Variants in SYNE2 observed in about 807,000 individuals in gnomAD.
SYNE2 encodes nesprin-2.
Under a neutral mutation model 856.3 loss-of-function variants are expected in SYNE2, and 431 were observed. That is an observed-to-expected ratio of 0.50 (90% CI 0.47 to 0.55). SYNE2 has a LOEUF of 0.55. Among genes scored for constraint, SYNE2 ranks in the 20% least tolerant of loss-of-function variants. The pLI is 0.00. For missense variants in SYNE2, 8,129 were observed against 8,023.2 expected, an observed-to-expected ratio of 1.01 and a Z score of -0.50; for synonymous variants, 2,923 against 2,872.3, an observed-to-expected ratio of 1.02 and a Z score of -0.56.
intron 80 of SYNE2, among the ~76,000 whole-genome samples, chr14:64,141,049 TTTGTG>T (rs1304696511): frequency 6.6e-6 from 1 of 152,210 alleles, no homozygotes; most frequent in African/African-American, 2.4e-5. Flanking sequence ...TAATGTGCAC[TTTGTG>T]TTGGGTTCCA....
At chr14:63,858,256 A>G (rs1363768219) in intron 1 of SYNE2, among the ~76,000 whole-genome samples, 1 of 107,416 alleles carries the variant, frequency 9.3e-6, no homozygotes, top group African/African-American at 3.8e-5. Flanking sequence ...GCGTCTCCAC[A>G]CCGGCCTTTT....
At chr14:63,806,115 T>A (rs1714467436) in intron 1 of SYNE2, among the ~76,000 whole-genome samples, 1 of 152,190 alleles carries the variant, frequency 6.6e-6, no homozygotes. Flanking sequence ...TGGCTGTGGG[T>A]TTGTCATAGA....
chr14:64,035,860 A>G (rs984297738), intron 45 of SYNE2, among the ~76,000 whole-genome samples: 2 of 149,238 alleles, frequency 1.3e-5, no homozygotes, highest in Non-Finnish European at 3.0e-5. Flanking sequence ...TGCCCAGCTA[A>G]TTTTTGTATT....
At chr14:64,142,418 C>G (rs901612133) in intron 82 of SYNE2, among the ~76,000 whole-genome samples, 1 of 152,132 alleles carries the variant, frequency 6.6e-6, no homozygotes, top group African/African-American at 2.4e-5. Flanking sequence ...TCTTGGTGCT[C>G]TCCCTTATCA....
chr14:64,059,555 G>A (rs2153584309), intron 49 of SYNE2, among the ~76,000 whole-genome samples: 1 of 152,338 alleles, frequency 6.6e-6, no homozygotes, highest in East Asian at 1.9e-4. Context: ...GCCTAGAGCT[G>A]GGGTAGGGGT....
chr14:63,967,496 A>G (rs2096410303), intron 10 of SYNE2, among the ~76,000 whole-genome samples: 1 of 152,182 alleles, frequency 6.6e-6, no homozygotes, highest in African/African-American at 2.4e-5. Context: ...TACACAAAGC[A>G]CAGAGTGAGA....
intron 1 of SYNE2, among the ~76,000 whole-genome samples, chr14:63,780,354 C>T (rs565665086): frequency 7.0e-4 from 107 of 151,984 alleles, no homozygotes; most frequent in Admixed American, 1.8e-3. Context: ...GCAAACATGG[C>T]GAAACCTCAT....
intron 57 of SYNE2, among the ~76,000 whole-genome samples, chr14:64,083,616 C>T (rs1003859908): frequency 6.6e-6 from 1 of 152,190 alleles, no homozygotes; most frequent in African/African-American, 2.4e-5. Context: ...GTCCTAATCT[C>T]CTCCTGGGAA....
At chr14:63,924,092 C>T (rs111230404) in intron 2 of SYNE2, among the ~76,000 whole-genome samples, 7,779 of 152,176 alleles carry the variant, frequency 0.051, 661 homozygotes, top group African/African-American at 0.18. Context: ...AGGCATCAGC[C>T]ACTGTGCCTG....
At chr14:64,162,326 T>C (rs1312325832) in intron 88 of SYNE2, 50 bp downstream of exon 88, 1 of 1,581,220 alleles carries the variant, frequency 6.3e-7, no homozygotes, top group African/African-American at 1.3e-5. Context: ...GCCCAACAGA[T>C]GGGGTAAGGG....
At chr14:63,774,789 A>G (rs1887050984) in intron 1 of SYNE2, among the ~76,000 whole-genome samples, 1 of 152,090 alleles carries the variant, frequency 6.6e-6, no homozygotes, top group Admixed American at 6.6e-5. Context: ...TGCTATAACA[A>G]AATGCCATAA....
intron 51 of SYNE2, among the ~76,000 whole-genome samples, chr14:64,066,716 C>T (rs2097361277): frequency 6.6e-6 from 1 of 152,138 alleles, no homozygotes; most frequent in African/African-American, 2.4e-5. Flanking sequence ...GCTTGCCTGT[C>T]CATAGTGGTA....
chr14:63,926,885 A>C (rs180872656), intron 2 of SYNE2, among the ~76,000 whole-genome samples: 88 of 152,338 alleles, frequency 5.8e-4, no homozygotes, highest in Middle Eastern at 3.4e-3. Flanking sequence ...AGATTGACTT[A>C]GGTTTTCTTC....
chr14:63,910,187 A>G (rs1369256929), intron 2 of SYNE2, among the ~76,000 whole-genome samples: 1 of 152,202 alleles, frequency 6.6e-6, no homozygotes, highest in East Asian at 1.9e-4. Context: ...GCATTTTTAG[A>G]ATGTTACTCA....
At position 63,910,845 on chromosome 14, in the gene SYNE2, G is replaced by T. The variant is rs79833866; in HGVS notation, c.79+1618G>T. Among the ~76,000 whole-genome samples the T allele has an allele frequency of 1.0e-3, 153 of 152,260 alleles. 1 individual carries two copies. In the East Asian group the frequency reaches 0.015, roughly 15 times the overall value. ...ATGTACATCACACTTTCTTTTTCTA[G>T]GTTTATGGCCAAAATCTTACTCTCA... On this transcript the variant is annotated intron_variant, in intron 2 of 115. Transcript: ENST00000555002.
intron 1 of SYNE2, among the ~76,000 whole-genome samples, chr14:63,771,093 G>T (rs1159870125): frequency 7.6e-6 from 1 of 132,146 alleles, no homozygotes. Flanking sequence ...TTTTTGAGAC[G>T]GAGTCTCGCT....
At chr14:64,059,209 T>A (rs1206392689) in intron 49 of SYNE2, among the ~76,000 whole-genome samples, 2 of 152,166 alleles carry the variant, frequency 1.3e-5, no homozygotes, top group Non-Finnish European at 2.9e-5. Context: ...TCATGGATGG[T>A]CTTGATGCTT....
chr14:64,189,851 T>C (rs1261057332), intron 98 of SYNE2, among the ~76,000 whole-genome samples: 1 of 152,008 alleles, frequency 6.6e-6, no homozygotes, highest in African/African-American at 2.4e-5. Flanking sequence ...TTTTTAGAAG[T>C]GGGGTCTTGC....
intron 11 of SYNE2, among the ~76,000 whole-genome samples, chr14:63,975,987 G>C (rs904395891): frequency 6.6e-6 from 1 of 152,220 alleles, no homozygotes; most frequent in Non-Finnish European, 1.5e-5. Context: ...GGAGAAGCAA[G>C]CAGTCAGAGT....
Sources: gnomAD v4.1 joint callset for allele counts (sites outside exome capture counted in the v4.1 genomes callset) on GRCh38, gnomAD v4.1.1 for gene constraint, MANE v1.5 for transcripts, NCBI Gene and HGNC (gene_info 2026-07-23, HGNC 2026-07-21) for gene names.